Variants in MPPED2 observed in about 807,000 individuals in gnomAD.
The protein encoded by MPPED2 is metallophosphoesterase MPPED2.
A neutral mutation model predicts 33.0 loss-of-function variants in MPPED2; 5 were observed. That is an observed-to-expected ratio of 0.15 (90% confidence interval 0.08 to 0.32). The LOEUF (loss-of-function observed/expected upper bound fraction) is 0.32. Among genes scored for constraint, MPPED2 ranks in the 10% least tolerant of loss-of-function variants. The pLI is 1.00. For missense variants in MPPED2, 275 were observed against 372.1 expected (o/e 0.74, Z 2.15); for synonymous variants, 136 against 141.9 (o/e 0.96, Z 0.29).
rs140292720 is a variant in MPPED2, at chr11:30,432,564, A to G, written c.537-14931T>C. 3.3e-5 allele frequency among the ~76,000 whole-genome samples: 5 copies of G among 152,306 alleles called. No individual in the cohort carries two copies. In the East Asian group the frequency reaches 9.7e-4, roughly 29 times the overall value. On this transcript the variant is annotated intron_variant, in intron 4 of 6. Transcript: ENST00000358117. ...TGAAATGAAATTCCCCAGAAGTTAG[A>G]TTTCCTATATTTACACAAGGCATGC...
intron 4 of MPPED2, among the ~76,000 whole-genome samples, chr11:30,418,365 G>A (rs186434596): frequency 6.6e-6 from 1 of 152,308 alleles, no homozygotes; most frequent in African/African-American, 2.4e-5. Context: ...GAGTTTTTGA[G>A]ATTGATGTTC....
intron 4 of MPPED2, 93 bp from the exon 5 acceptor site, chr11:30,417,726 A>G: frequency 1.4e-6 from 1 of 740,596 alleles, no homozygotes; most frequent in South Asian, 1.6e-5. Flanking sequence ...CACGGTTTGC[A>G]TTGCTCTCTT....
In MPPED2 at chr11:30,555,589, C is replaced by T. The variant is rs188431431; in HGVS notation, c.129-19414G>A. 2.4e-4 allele frequency among the ~76,000 whole-genome samples: 37 copies of T among 152,254 alleles called. No individual in the cohort carries two copies. In the East Asian group the frequency reaches 6.6e-3, roughly 27 times the overall value. On this transcript the variant is annotated intron_variant, in intron 2 of 6. Transcript: ENST00000358117. ...CCTTCTCATGATAGTGAATAAGTCT[C>T]ACAAGATCTGATGGTTTTATAAAGG...
rs185206592 is a variant in MPPED2, at chr11:30,513,695, G to A, written c.311-18174C>T. ...CTTCTCTTCTGAGATCATTTCTATGGGAAAGGGACACAGGTGGCTAGAAGT... is the reference window on the plus strand; with the variant it reads ...CTTCTCTTCTGAGATCATTTCTATGAGAAAGGGACACAGGTGGCTAGAAGT... On this transcript the variant is annotated intron_variant, in intron 3 of 6. Transcript: ENST00000358117. 4.8e-3 allele frequency among the ~76,000 whole-genome samples: 734 copies of A among 152,192 alleles called. 4 individuals are homozygous for A. Among genetic ancestry groups the A allele is most frequent in the South Asian group, 9.1e-3 (44 of 4,816 alleles).
intron 2 of MPPED2, among the ~76,000 whole-genome samples, chr11:30,558,721 C>CCTTCCTTCTTTT: frequency 6.6e-6 from 1 of 151,990 alleles, no homozygotes; most frequent in East Asian, 1.9e-4. Flanking sequence ...CTTGCCCAGC[C>CCTTCCTTCTTTT]CTTCCTTCTT....
chr11:30,584,943 A>G (rs1957390376), intron 1 of MPPED2: 1 of 152,216 alleles, frequency 6.6e-6, no homozygotes, highest in African/African-American at 2.4e-5. Flanking sequence ...ATCTCAAATC[A>G]ATTATACATT....
At chr11:30,564,712 C>A (rs1366549438) in intron 2 of MPPED2, among the ~76,000 whole-genome samples, 2 of 152,114 alleles carry the variant, frequency 1.3e-5, no homozygotes, top group South Asian at 2.1e-4. Context: ...TTTATTGAAG[C>A]CTTATATGTT....
At chr11:30,521,737 T>C (rs975675138) in intron 3 of MPPED2, among the ~76,000 whole-genome samples, 1 of 152,190 alleles carries the variant, frequency 6.6e-6, no homozygotes, top group Non-Finnish European at 1.5e-5. Context: ...AAATATAACA[T>C]CAGTCGTTTC....
intron 3 of MPPED2, among the ~76,000 whole-genome samples, chr11:30,526,390 C>A (rs1215330857): frequency 1.3e-5 from 2 of 152,038 alleles, no homozygotes; most frequent in Admixed American, 1.3e-4. Flanking sequence ...GAAAGAGAAG[C>A]TTTCAATAAA....
rs767726211 is a variant in MPPED2, at chr11:30,394,783, A to G, written c.767-5827T>C. 1.1e-4 allele frequency among the ~76,000 whole-genome samples: 17 copies of G among 152,292 alleles called. 1 individual carries two copies. The Middle Eastern group carries it at 0.01, about 91-fold the overall frequency. On this transcript the variant is annotated intron_variant, in intron 6 of 6. Coordinates refer to the MPPED2 transcript ENST00000448418. Reference sequence around the variant, plus strand: ...AAGTTCAACTTACAAATTTTTTTCTATCAGGTATTGTATTATTGGTGTCAT... The same window carrying G: ...AAGTTCAACTTACAAATTTTTTTCTGTCAGGTATTGTATTATTGGTGTCAT...
rs1262886858 is a variant in MPPED2, at chr11:30,458,992, C to G, written c.536+36304G>C. 4.2e-5 allele frequency among the ~76,000 whole-genome samples: 5 copies of G among 118,712 alleles called. 1 individual carries two copies. The highest frequency in any genetic ancestry group is 1.6e-4 in the African/African-American group (5 of 31,130). 77.9% of individuals were successfully genotyped at this position (118,712 alleles called of 152,430 possible). On this transcript the variant is annotated intron_variant, in intron 4 of 6. Coordinates refer to ENST00000358117, the MANE Select transcript of MPPED2 (RefSeq NM_001584.3). ...CCAGGCTGGAGTGCAGTGGCGGGAT[C>G]TCGGCTCACTGCAAGCTCCGCCTCC...
chr11:30,528,249 A>G (rs1350964581), intron 3 of MPPED2, among the ~76,000 whole-genome samples: 1 of 152,060 alleles, frequency 6.6e-6, no homozygotes, highest in Non-Finnish European at 1.5e-5. Flanking sequence ...TTTTTTCTGT[A>G]TCACTATTTA....
intron 2 of MPPED2, among the ~76,000 whole-genome samples, chr11:30,553,505 A>G (rs901574239): frequency 3.3e-5 from 5 of 152,218 alleles, no homozygotes; most frequent in African/African-American, 1.2e-4. Flanking sequence ...ACAAACAAAC[A>G]ACAAACACGA....
In MPPED2 at chr11:30,410,992, G is replaced by T. The variant is rs1270462687; in HGVS notation, c.*476C>A. The T allele has an allele frequency of 1.1e-5, 11 of 985,506 alleles. 1 individual carries two copies. The South Asian group carries it at 3.3e-4, about 29-fold the overall frequency. 61.0% of individuals were successfully genotyped at this position (985,506 alleles called of 1,614,324 possible). A position where few individuals can be genotyped will look rare whatever the true frequency, so the allele number is the denominator to read the frequency against. ...TCTGTTGAGAAGATTGCTATAAATT[G>T]GGACCACATCTGCAAAAAAGAAGCA... On this transcript the variant is annotated 3_prime_UTR_variant, in exon 7 of 7. Transcript: ENST00000358117.
intron 3 of MPPED2, among the ~76,000 whole-genome samples, chr11:30,523,522 A>G (rs1953988572): frequency 6.6e-6 from 1 of 151,980 alleles, no homozygotes; most frequent in Non-Finnish European, 1.5e-5. Flanking sequence ...GACATTTGAC[A>G]TCTTCCAATA....
At chr11:30,532,054 C>T (rs1485585599) in intron 3 of MPPED2, among the ~76,000 whole-genome samples, 6 of 152,174 alleles carry the variant, frequency 3.9e-5, no homozygotes, top group Non-Finnish European at 8.8e-5. Flanking sequence ...TTTCCTCACA[C>T]GTTAAAAGGA....
intron 2 of MPPED2, among the ~76,000 whole-genome samples, chr11:30,568,224 CTAG>C (rs1490664392): frequency 1.3e-5 from 2 of 152,146 alleles, no homozygotes; most frequent in African/African-American, 4.8e-5. Context: ...AGATAAGACA[CTAG>C]TAGTAGTTCT....
chr11:30,451,742 G>C, intron 4 of MPPED2: 1 of 982,514 alleles, frequency 1.0e-6, no homozygotes, highest in South Asian at 4.7e-5. Context: ...TTCTGCTGTA[G>C]GACTCATTAT....
intron 4 of MPPED2, among the ~76,000 whole-genome samples, chr11:30,460,075 C>T (rs1309877320): frequency 4.6e-5 from 7 of 152,146 alleles, no homozygotes; most frequent in Non-Finnish European, 1.0e-4. Context: ...TTGGCACACA[C>T]AAGATCAGGT....
Sources: allele counts gnomAD v4.1 joint callset (sites outside exome capture counted in the v4.1 genomes callset), GRCh38; gene constraint gnomAD v4.1.1; transcripts MANE v1.5; gene names NCBI Gene and HGNC (gene_info 2026-07-23, HGNC 2026-07-21).